The following SNX13 variants were observed in gnomAD, a reference collection of about 807,000 sequenced individuals.
SNX13 encodes sorting nexin 13.
Under a neutral mutation model 133.6 loss-of-function variants are expected in SNX13, and 45 were observed. The ratio of observed to expected loss-of-function variants is 0.34; its 90% CI spans 0.27 to 0.43. The LOEUF is 0.43. Among genes scored for constraint, SNX13 ranks in the 20% least tolerant of loss-of-function variants. SNX13 has a pLI of 1.00. For synonymous variants in SNX13, 414 were observed against 373.9 expected, an observed-to-expected ratio of 1.11 and a Z score of -1.24; for missense variants, 1,032 against 1,145.1, an observed-to-expected ratio of 0.90 and a Z score of 1.43.
At chr7:17,857,032 A>G (rs1253673033) in intron 9 of SNX13, among the ~76,000 whole-genome samples, 1 of 152,064 alleles carries the variant, frequency 6.6e-6, no homozygotes, top group Non-Finnish European at 1.5e-5. Context: ...CAAAAAAAAT[A>G]CAATCAGAGA....
chr7:17,838,634 C>T (rs1478318528), intron 13 of SNX13, among the ~76,000 whole-genome samples: 1 of 151,826 alleles, frequency 6.6e-6, no homozygotes, highest in Non-Finnish European at 1.5e-5. Context: ...GTAGCTGCAT[C>T]TCATGAATTG....
chr7:17,893,398 G>A lies in SNX13; in HGVS notation c.162C>T (p.Asn54=), dbSNP rs1177923225. The A allele has an allele frequency of 6.4e-7, 1 of 1,570,996 alleles. No homozygotes were observed. Among genetic ancestry groups the A allele is most frequent in the African/African-American group, 1.4e-5 (1 of 74,004 alleles). The stretch of plus-strand genomic sequence containing the variant: ...CACACTGTTCTAGGTACTTCTCTGA[G>A]TTTGTTTTTCCAAACAGGAGAGTAA... The part of the protein sequence containing the change: ...LVVTLLFGKT[N]SEKYLEQCEH... The change falls in exon 3 of 26, where the codon AAC becomes AAT. Residue 54 remains asparagine (N), a synonymous_variant. Transcript: ENST00000428135.
chr7:17,821,712 G>T, intron 17 of SNX13, 64 bp from the exon 18 acceptor site: 2 of 1,490,024 alleles, frequency 1.3e-6, no homozygotes, highest in Non-Finnish European at 1.8e-6. Context: ...GAAGAGGAAC[G>T]AAAGACACAA....
chr7:17,855,707 T>C (rs1791797039), intron 9 of SNX13, among the ~76,000 whole-genome samples: 2 of 152,236 alleles, frequency 1.3e-5, no homozygotes, highest in Non-Finnish European at 2.9e-5. Flanking sequence ...AAAATATTAT[T>C]GCTCACTGAC....
chr7:17,837,070 C>T (rs1789220712), intron 13 of SNX13, among the ~76,000 whole-genome samples: 1 of 151,894 alleles, frequency 6.6e-6, no homozygotes, highest in African/African-American at 2.4e-5. Context: ...CTGCTCTTTT[C>T]AAGCCCACCT....
intron 11 of SNX13, among the ~76,000 whole-genome samples, chr7:17,848,398 A>G (rs1174688489): frequency 6.6e-6 from 1 of 152,178 alleles, no homozygotes; most frequent in Non-Finnish European, 1.5e-5. Context: ...ACGAGTGTGC[A>G]CACAAAAGGC....
At chr7:17,925,954 C>G (rs1350704681) in intron 1 of SNX13, among the ~76,000 whole-genome samples, 2 of 152,010 alleles carry the variant, frequency 1.3e-5, no homozygotes, top group East Asian at 3.9e-4. Context: ...TTGGGAATTG[C>G]CGATAATTTT....
chr7:17,800,112 G>C (rs1212360757), intron 22 of SNX13, among the ~76,000 whole-genome samples: 1 of 151,680 alleles, frequency 6.6e-6, no homozygotes, highest in African/African-American at 2.4e-5. Context: ...TGTATTCTCT[G>C]ATCAAGTATA....
intron 1 of SNX13, among the ~76,000 whole-genome samples, chr7:17,918,727 C>A (rs1343855723): frequency 6.6e-6 from 1 of 152,210 alleles, no homozygotes; most frequent in Non-Finnish European, 1.5e-5. Context: ...GTAATTACCA[C>A]TGGACCCCAC....
chr7:17,927,188 T>C (rs1800851551), intron 1 of SNX13, among the ~76,000 whole-genome samples: 1 of 150,070 alleles, frequency 6.7e-6, no homozygotes, highest in East Asian at 1.9e-4. Context: ...TGCGTGTACA[T>C]ATAATATATA....
chr7:17,823,273 T>C (rs957232747), intron 17 of SNX13, among the ~76,000 whole-genome samples: 1 of 152,200 alleles, frequency 6.6e-6, no homozygotes, highest in Non-Finnish European at 1.5e-5. Flanking sequence ...GTGGAAGGCA[T>C]GATATCTCAT....
chr7:17,826,744 A>T (rs950657499), intron 16 of SNX13, among the ~76,000 whole-genome samples: 1 of 152,160 alleles, frequency 6.6e-6, no homozygotes, highest in Non-Finnish European at 1.5e-5. Flanking sequence ...GACTGACTCA[A>T]AATGAATCTT....
chr7:17,829,185 T>C (rs1788216268), intron 16 of SNX13, among the ~76,000 whole-genome samples: 2 of 151,554 alleles, frequency 1.3e-5, no homozygotes, highest in Non-Finnish European at 3.0e-5. Flanking sequence ...CTCTAAAACA[T>C]TTAGCTATTA....
intron 1 of SNX13, among the ~76,000 whole-genome samples, chr7:17,937,051 ACAGCTCATC>A (rs1802155678): frequency 6.6e-6 from 1 of 150,492 alleles, no homozygotes; most frequent in South Asian, 2.1e-4. Flanking sequence ...GACGTTACAT[ACAGCTCATC>A]CCTGTATGTA....
At chr7:17,845,046 T>C (rs1790325575) in intron 12 of SNX13, among the ~76,000 whole-genome samples, 2 of 152,050 alleles carry the variant, frequency 1.3e-5, no homozygotes, top group South Asian at 4.1e-4. Flanking sequence ...GATGCCTGTG[T>C]TTGCCACTTC....
intron 19 of SNX13, among the ~76,000 whole-genome samples, chr7:17,815,733 A>G (rs964394891): frequency 2.6e-5 from 4 of 152,240 alleles, no homozygotes; most frequent in African/African-American, 7.2e-5. Context: ...GGTTCCTTCA[A>G]TGGAACAAGT....
At chr7:17,866,604 G>A (rs1335531046) in intron 9 of SNX13, among the ~76,000 whole-genome samples, 1 of 152,136 alleles carries the variant, frequency 6.6e-6, no homozygotes, top group Admixed American at 6.5e-5. Context: ...ATTATGTTAA[G>A]TCAAATTAAC....
intron 5 of SNX13, among the ~76,000 whole-genome samples, chr7:17,876,592 C>G (rs1794758608): frequency 7.3e-6 from 1 of 136,312 alleles, no homozygotes; most frequent in Non-Finnish European, 1.6e-5. Flanking sequence ...AAAAAAAAAG[C>G]CTTAACCATT....
At chr7:17,911,360 G>A (rs1014436973) in intron 1 of SNX13, among the ~76,000 whole-genome samples, 1 of 152,062 alleles carries the variant, frequency 6.6e-6, no homozygotes, top group Non-Finnish European at 1.5e-5. Flanking sequence ...CATAATTGCC[G>A]GGGCGCAGTG....
Sources: gnomAD v4.1 joint callset for allele counts (sites outside exome capture counted in the v4.1 genomes callset) on GRCh38, gnomAD v4.1.1 for gene constraint, MANE v1.5 for transcripts, NCBI Gene and HGNC (gene_info 2026-07-23, HGNC 2026-07-21) for gene names.